CROCC2: variants seen among roughly 807,000 people sequenced by gnomAD.
CROCC2 encodes ciliary rootlet coiled-coil, rootletin family member 2.
CROCC2 carries 163 observed loss-of-function variants against 177.6 expected under a neutral mutation model. That is an observed-to-expected ratio of 0.92 (90% confidence interval 0.81 to 1.05). The LOEUF is 1.05. CROCC2 is among the 50% of genes least tolerant of loss of function. The probability of loss-of-function intolerance (pLI) is 0.00; values close to 1 mark genes in which losing one functional copy is unlikely to be tolerated. For synonymous variants in CROCC2, 904 were observed against 787.3 expected (o/e 1.15, Z -2.48); for missense variants, 1,929 against 1,797.8 (o/e 1.07, Z -1.32).
intron 28 of CROCC2, chr2:240,983,471 G>C: frequency 8.0e-7 from 1 of 1,244,154 alleles, no homozygotes; most frequent in Non-Finnish European, 1.0e-6. Flanking sequence ...GGAGGCGGCC[G>C]AGGCGCAGGC....
chr2:240,961,383 A>G (rs549589016), intron 20 of CROCC2, among the ~76,000 whole-genome samples: 55 of 151,930 alleles, frequency 3.6e-4, no homozygotes, highest in Admixed American at 1.2e-3. Context: ...GACACCACAC[A>G]GTGCACACAG....
intron 3 of CROCC2, among the ~76,000 whole-genome samples, chr2:240,921,358 AC>A (rs1160140170): frequency 1.3e-5 from 2 of 151,870 alleles, no homozygotes; most frequent in Non-Finnish European, 2.9e-5. Flanking sequence ...GCTGGGGTCC[AC>A]CCCACCTGAT....
chr2:240,990,749 AT>A (rs2059873413), intron 30 of CROCC2, among the ~76,000 whole-genome samples: 1 of 151,998 alleles, frequency 6.6e-6, no homozygotes, highest in Non-Finnish European at 1.5e-5. Context: ...TGCCTGGCTA[AT>A]TTTTTGTATT....
rs1050993006 is a variant in CROCC2, at chr2:240,960,818, GC to G, written c.3087+1378del. Among the ~76,000 whole-genome samples, 9 of 151,388 alleles carry G rather than the reference GC, an allele frequency of 5.9e-5. No homozygotes were observed. The highest frequency in any genetic ancestry group is 2.2e-4 in the African/African-American group (9 of 41,138). On this transcript the variant is annotated intron_variant, in intron 20 of 31. Coordinates refer to ENST00000690015, the MANE Select transcript of CROCC2 (RefSeq NM_001351305.2). This position sits in a 1 kb window ranked among gnomAD's most constrained non-coding sequence, Gnocchi z 5.0. The stretch of plus-strand genomic sequence containing the variant: ...TTAACATGACCGGCTGTTTACATTG[GC>G]CCCAAGGAGAAAGGTCTCCTTTCAA...
intron 28 of CROCC2, among the ~76,000 whole-genome samples, chr2:240,987,795 G>A (rs576470036): frequency 2.0e-5 from 3 of 152,388 alleles, no homozygotes; most frequent in East Asian, 3.9e-4. Context: ...CATGACCCTC[G>A]GGGCTGGGCA....
intron 14 of CROCC2, among the ~76,000 whole-genome samples, chr2:240,942,950 G>A (rs768884653): frequency 5.3e-5 from 8 of 151,784 alleles, no homozygotes; most frequent in East Asian, 1.9e-4. Context: ...GTTCAGATTC[G>A]TAGTCTCCTG....
intron 14 of CROCC2, among the ~76,000 whole-genome samples, 158 bp downstream of exon 14, chr2:240,935,746 G>A (rs10200156): frequency 6.6e-6 from 1 of 151,588 alleles, no homozygotes; most frequent in Non-Finnish European, 1.5e-5. Context: ...TCCCCGTGGG[G>A]GTGGGGGCAG....
At chr2:240,933,916 C>A in intron 11 of CROCC2, 64 bp downstream of exon 11, 1 of 1,486,528 alleles carries the variant, frequency 6.7e-7, no homozygotes, top group Non-Finnish European at 9.0e-7. Flanking sequence ...CTGCCACCAT[C>A]AGCCACTTGG....
At chr2:240,963,368 G>A (rs529189121) in intron 20 of CROCC2, 188 bp from the exon 21 acceptor site, 202 of 609,446 alleles carry the variant, frequency 3.3e-4, no homozygotes, top group African/African-American at 2.8e-3. Flanking sequence ...GCCTCAGCCC[G>A]TGGAAGCCGC....
At chr2:240,971,464 G>A (rs71428485) in intron 27 of CROCC2, among the ~76,000 whole-genome samples, 2,133 of 152,270 alleles carry the variant, frequency 0.014, 23 homozygotes, top group Non-Finnish European at 0.023. Context: ...CAGGCTCCTT[G>A]TTTGCCTCTG....
intron 15 of CROCC2, among the ~76,000 whole-genome samples, chr2:240,946,824 G>A (rs933561974): frequency 1.3e-5 from 2 of 152,230 alleles, no homozygotes; most frequent in South Asian, 2.1e-4. Flanking sequence ...CTAGGAGCTG[G>A]GAGTCACAGG....
Position 240,982,625 on chromosome 2 carries a change from C to T in CROCC2, c.4402-255C>T. ...AGCAGAGAACCTGCCAAGCCCAAGTCTTTGCCCACGCTAGACCAGACCCCC... is the reference window on the plus strand; with the variant it reads ...AGCAGAGAACCTGCCAAGCCCAAGTTTTTGCCCACGCTAGACCAGACCCCC... On this transcript the variant is annotated intron_variant, in intron 27 of 31. Coordinates refer to ENST00000690015, the MANE Select transcript of CROCC2 (RefSeq NM_001351305.2). This position sits in a 1 kb window ranked among gnomAD's most constrained non-coding sequence, Gnocchi z 4.7. The T allele has an allele frequency of 2.7e-6, 1 of 374,210 alleles. No homozygotes were observed. The highest frequency in any genetic ancestry group is 4.6e-5 in the Admixed American group (1 of 21,660). 23.2% of individuals were successfully genotyped at this position (374,210 alleles called of 1,614,324 possible). A position where few individuals can be genotyped will look rare whatever the true frequency, so the allele number is the denominator to read the frequency against.
In CROCC2 at chr2:240,946,082, T is replaced by A. The variant is rs532612637; in HGVS notation, c.2192T>A (p.Leu731Gln). 196 of 1,526,620 alleles carry A rather than the reference T, an allele frequency of 1.3e-4. No homozygotes were observed. The African/African-American group carries it at 2.1e-3, about 16-fold the overall frequency. 94.6% of individuals were successfully genotyped at this position (1,526,620 alleles called of 1,614,324 possible). The change falls in exon 15 of 32, where the codon CTG becomes CAG. Residue 731 changes from leucine (L) to glutamine (Q), a missense_variant. Transcript: ENST00000690015. ...VGQVTCQKQA[L>Q]EEQLAQSLQD... ...TAGGTCACATGCCAGAAACAGGCCCTGGAGGAGCAGCTGGCTCAGAGCCTG... is the reference window on the plus strand; with the variant it reads ...TAGGTCACATGCCAGAAACAGGCCCAGGAGGAGCAGCTGGCTCAGAGCCTG...
chr2:240,941,411 A>G (rs1321443922), intron 14 of CROCC2, among the ~76,000 whole-genome samples: 1 of 152,234 alleles, frequency 6.6e-6, no homozygotes, highest in Non-Finnish European at 1.5e-5. Context: ...GAGGCATCAC[A>G]TTACCCAACT....
Position 240,935,387 on chromosome 2 carries a change from A to G in CROCC2, c.1968A>G (p.Glu656=). 7.4e-7 allele frequency: 1 copy of G among 1,358,866 alleles called. No homozygotes were observed. Among genetic ancestry groups the G allele is most frequent in the Non-Finnish European group, 9.5e-7 (1 of 1,049,628 alleles). 84.2% of individuals were successfully genotyped at this position (1,358,866 alleles called of 1,614,324 possible). ...QLEQERDQLR[E]QRKTLEQERA... The stretch of plus-strand genomic sequence containing the variant: ...AGCAGGAGCGGGACCAGCTGCGGGA[A>G]CAGCGGAAGACTCTGGAGCAGGAAC... The change falls in exon 14 of 32, where the codon GAA becomes GAG. Residue 656 remains glutamate, a synonymous_variant. Coordinates refer to ENST00000690015, the MANE Select transcript of CROCC2 (RefSeq NM_001351305.2).
rs1488357015 is a variant in CROCC2 at position 240,959,344 on chromosome 2, C to A, written c.2987C>A (p.Ala996Asp). The A allele has an allele frequency of 1.9e-6, 3 of 1,550,480 alleles. No individual in the cohort carries two copies. Among genetic ancestry groups the A allele is most frequent in the South Asian group, 1.2e-5 (1 of 84,058 alleles). ...ACTGAGGAGCTGAAGGCCCTCCAGG[C>A]CCAGTTTGAGGATGCCATCACAGCC... is the stretch of plus-strand genomic sequence containing the variant. ...ATTEELKALQ[A>D]QFEDAITAHQ... Residue 996 changes from alanine (A) to aspartate (D), a missense_variant, in exon 20 of 32, where the codon GCC becomes GAC. Physicochemically the swap from Ala to Asp is moderately radical, Grantham distance 126. Transcript: ENST00000690015.
At chr2:240,927,807 C>T (rs147383821) in intron 5 of CROCC2, among the ~76,000 whole-genome samples, 26 of 152,292 alleles carry the variant, frequency 1.7e-4, no homozygotes, top group African/African-American at 5.1e-4. Flanking sequence ...TGTGCCACCA[C>T]GCCTGGATAA....
Position 240,965,842 on chromosome 2 carries a change from C to T in CROCC2, c.3810C>T (p.His1270=), listed in dbSNP as rs2059679507. The T allele has an allele frequency of 4.8e-6, 7 of 1,451,892 alleles. No homozygotes were observed. In the East Asian group the frequency reaches 1.8e-4, roughly 37 times the overall value. The allele number at this position is 1,451,892 out of a possible 1,614,324, so 89.9% of individuals were successfully genotyped here. A position where few individuals can be genotyped will look rare whatever the true frequency, so the allele number is the denominator to read the frequency against. The part of the protein sequence containing the change: ...ARLDQACHRI[H]SLEQELAQAE... ...TGGACCAGGCCTGTCACCGAATCCA[C>T]AGCCTGGAGCAGGAGCTGGCCCAGG... The change falls in exon 24 of 32, where the codon CAC becomes CAT. Residue 1270 remains histidine (H), a synonymous_variant. Transcript: ENST00000690015.
At position 240,971,926 on chromosome 2, in the gene CROCC2, G is replaced by A. The variant is rs866284790; in HGVS notation, c.4401+3664G>A. On this transcript the variant is annotated intron_variant, in intron 27 of 31. Coordinates refer to ENST00000690015, the MANE Select transcript of CROCC2 (RefSeq NM_001351305.2). ...TCTCGTCTGCTGCTCCTGTCCCCAC[G>A]GTGGCCTCGTTCGGCCTGAGTTTTC... is the stretch of plus-strand genomic sequence containing the variant. Among the ~76,000 whole-genome samples the A allele has an allele frequency of 7.0e-4, 107 of 152,010 alleles. No individual in the cohort carries two copies. The Middle Eastern group carries it at 0.014, about 19-fold the overall frequency.
Sources: allele counts gnomAD v4.1 joint callset (sites outside exome capture counted in the v4.1 genomes callset), GRCh38; gene constraint gnomAD v4.1.1; non-coding constraint Gnocchi (gnomAD v3.1); transcripts MANE v1.5; gene names NCBI Gene and HGNC (gene_info 2026-07-23, HGNC 2026-07-21).